Variants in GCFC2 observed in about 807,000 individuals in gnomAD.
The protein encoded by GCFC2 is intron Large complex component GCFC2.
A neutral mutation model predicts 99.4 loss-of-function variants in GCFC2; 102 were observed. The ratio of observed to expected loss-of-function variants is 1.03; its 90% CI spans 0.87 to 1.21. The LOEUF (loss-of-function observed/expected upper bound fraction) is 1.21, where lower values mean the gene tolerates loss of function less well. GCFC2 is among the 50% of genes most tolerant of loss of function. The probability of loss-of-function intolerance (pLI) is 0.00; values close to 1 mark genes in which losing one functional copy is unlikely to be tolerated. For synonymous variants in GCFC2, 338 were observed against 316.8 expected (o/e 1.07, Z -0.71); for missense variants, 973 against 920.9 (o/e 1.06, Z -0.73).
chr2:75,694,955 G>T (rs950934959), intron 5 of GCFC2, among the ~76,000 whole-genome samples: 1 of 152,002 alleles, frequency 6.6e-6, no homozygotes, highest in Non-Finnish European at 1.5e-5. Flanking sequence ...AATTTACTTC[G>T]TTCTGTATAT....
At chr2:75,711,771 G>T (rs1210067465), upstream of GCFC2, among the ~76,000 whole-genome samples, 1 of 152,246 alleles carries the variant, frequency 6.6e-6, no homozygotes, top group African/African-American at 2.4e-5. Context: ...GCCCACCGGC[G>T]CTGTGCTCGA....
chr2:75,684,035 C>T (rs1039427140), intron 11 of GCFC2, among the ~76,000 whole-genome samples: 1 of 152,102 alleles, frequency 6.6e-6, no homozygotes, highest in African/African-American at 2.4e-5. Context: ...TAGTGGGAGC[C>T]TTTAACATCC....
In GCFC2 at chr2:75,671,985, T is replaced by C. The variant is rs1255543802; in HGVS notation, c.1921A>G (p.Lys641Glu). 2 of 1,594,656 alleles carry C rather than the reference T, an allele frequency of 1.3e-6. No homozygotes were observed. The highest frequency in any genetic ancestry group is 1.7e-5 in the Admixed American group (1 of 59,870). Residue 641 changes from lysine to glutamate, a missense_variant, in exon 14 of 17, where the codon AAG becomes GAG. Lys to Glu is a moderately conservative substitution (Grantham distance 56). Coordinates refer to ENST00000321027, the MANE Select transcript of GCFC2 (RefSeq NM_003203.5). ...GACCAGAACTGTCTTTCTTGGAACT[T>C]TGAATGAGGTGATGTTTTGTTTTCT... ...AVENKTSPHSKFQERQFWSGL... is the reference protein window; with the variant it reads ...AVENKTSPHSEFQERQFWSGL...
At chr2:75,666,122 T>G in intron 15 of GCFC2, 69 bp from the exon 16 acceptor site, 5 of 1,170,532 alleles carry the variant, frequency 4.3e-6, no homozygotes, top group Non-Finnish European at 6.1e-6. Context: ...TATAATCTCA[T>G]AGTGATACTG....
chr2:75,706,771 A>T, intron 1 of GCFC2, 120 bp from the exon 2 acceptor site: 1 of 550,442 alleles, frequency 1.8e-6, no homozygotes, highest in Non-Finnish European at 3.1e-6. Flanking sequence ...TCCATATATT[A>T]AAGTAGACAT....
rs1476389758 is a variant in GCFC2 at position 75,687,835 on chromosome 2, C to T, written c.1682G>A (p.Arg561Gln). ...AGGTTACGAAGCAGTACCTGTAAGT[C>T]GGGGAATAATTGTTTTGTTGATGAT... The part of the protein sequence containing the change: ...SAIINKTIIP[R>Q]LTDFVEFLWD... The change falls in exon 11 of 17, where the codon CGA (arginine) becomes CAA (glutamine). Residue 561 changes from arginine (R) to glutamine (Q), a missense_variant. Arg to Gln is a conservative substitution (Grantham distance 43). Transcript: ENST00000321027. 12 of 1,605,292 alleles carry T rather than the reference C, an allele frequency of 7.5e-6. No homozygotes were observed. Among genetic ancestry groups the T allele is most frequent in the South Asian group, 2.2e-5 (2 of 89,132 alleles).
Position 75,664,064 on chromosome 2 carries a change from T to A in GCFC2, c.*602A>T, listed in dbSNP as rs1332753069. ...GCCAACACAAAATACGCTATTAAAA[T>A]AAGATTTTTACCTTTCAAATTTTCA... is the stretch of plus-strand genomic sequence containing the variant. On this transcript the variant is annotated 3_prime_UTR_variant, in exon 17 of 17. Transcript: ENST00000321027. The A allele has an allele frequency of 6.6e-6, 1 of 152,174 alleles. No individual in the cohort carries two copies. The highest frequency in any genetic ancestry group is 1.5e-5 in the Non-Finnish European group (1 of 68,018). 9.4% of individuals were successfully genotyped at this position (152,174 alleles called of 1,614,324 possible).
At position 75,710,643 on chromosome 2, in the gene GCFC2, C is replaced by T; in HGVS notation, c.213G>A (p.Trp71Ter). 6.6e-7 allele frequency: 1 copy of T among 1,518,132 alleles called. No individual in the cohort carries two copies. Among genetic ancestry groups the T allele is most frequent in the East Asian group, 2.6e-5 (1 of 38,472 alleles). The allele number at this position is 1,518,132 out of a possible 1,614,324, so 94.0% of individuals were successfully genotyped here. A position where few individuals can be genotyped will look rare whatever the true frequency, so the allele number is the denominator to read the frequency against. ...VRGPRGRGRV[W>*]ASSRRATKAA... Reference sequence around the variant, plus strand: ...CTTTGGTGGCACGCCGGGAGCTCGCCCAGACCCGGCCCCGGCCACGAGGGC... The same window carrying T: ...CTTTGGTGGCACGCCGGGAGCTCGCTCAGACCCGGCCCCGGCCACGAGGGC... The change falls in exon 1 of 17, where the codon TGG becomes TGA. Residue 71 changes from tryptophan (W) to a stop codon, truncating the protein, a stop_gained. Transcript: ENST00000321027. LOFTEE classifies it high-confidence loss of function.
rs534139816 is a variant in GCFC2 at position 75,702,454 on chromosome 2, AC to A, written c.395-32del. ...GGAAACAAAGACGAGGACACTAAAAACCAAAGACCAATGTAAGTAAATATTC... is the reference window on the plus strand; with the variant it reads ...GGAAACAAAGACGAGGACACTAAAAACAAAGACCAATGTAAGTAAATATTC... On this transcript the variant is annotated intron_variant, in intron 2 of 16. Transcript: ENST00000321027. 69 of 1,566,466 alleles carry A rather than the reference AC, an allele frequency of 4.4e-5. 2 individuals carry two copies. The East Asian group carries it at 5.2e-4, about 12-fold the overall frequency.
chr2:75,712,956 T>C (rs964362682), upstream of GCFC2, among the ~76,000 whole-genome samples: 1 of 152,214 alleles, frequency 6.6e-6, no homozygotes, highest in African/African-American at 2.4e-5. Flanking sequence ...TCCAGGTGTT[T>C]CTCCCAGATA....
upstream of GCFC2, among the ~76,000 whole-genome samples, chr2:75,712,006 C>T (rs543541800): frequency 1.1e-4 from 17 of 152,392 alleles, no homozygotes; most frequent in African/African-American, 1.7e-4. Flanking sequence ...AGCCCCGGTG[C>T]GGGATCCACT....
Position 75,702,208 on chromosome 2 carries a change from C to T in GCFC2, c.610G>A (p.Glu204Lys). ...ATTGGTAAATCCATACTTGATTCCT[C>T]AGCCATCCTTTGTCTAAGTGTTTGA... Reference protein sequence around the residue: ...RPQTLRQRMAEESISRNEETS... With the variant: ...RPQTLRQRMAKESISRNEETS... Residue 204 changes from glutamate to lysine, a missense_variant, in exon 3 of 17, where the codon GAG (glutamate) becomes AAG (lysine). Physicochemically the swap from Glu to Lys is moderately conservative, Grantham distance 56. Transcript: ENST00000321027. 2 of 1,604,792 alleles carry T rather than the reference C, an allele frequency of 1.2e-6. No homozygotes were observed. Among genetic ancestry groups the T allele is most frequent in the African/African-American group, 1.3e-5 (1 of 74,884 alleles).
At chr2:75,712,259 C>G (rs1021604859), upstream of GCFC2, among the ~76,000 whole-genome samples, 9 of 116,410 alleles carry the variant, frequency 7.7e-5, no homozygotes, top group African/African-American at 2.3e-4. Flanking sequence ...AAACACCAAT[C>G]GGCACTCTGT....
Position 75,664,709 on chromosome 2 carries a change from TCTC to T in GCFC2, c.2300_2302del (p.Gly767del). ...TGATTTAAGATGGTCTAGGTGATGC[TCTC>T]CTATGAAGGATTCTGCTTGATTCAA... On this transcript the variant is annotated inframe_deletion, in exon 17 of 17. Transcript: ENST00000321027. 1.3e-6 allele frequency: 2 copies of T among 1,559,792 alleles called. No individual in the cohort carries two copies. The highest frequency in any genetic ancestry group is 1.8e-6 in the Non-Finnish European group (2 of 1,131,914).
At chr2:75,697,132 C>T (rs1680362522) in intron 4 of GCFC2, among the ~76,000 whole-genome samples, 1 of 152,154 alleles carries the variant, frequency 6.6e-6, no homozygotes, top group Non-Finnish European at 1.5e-5. Flanking sequence ...GAAATGCACT[C>T]CTAACATATA....
chr2:75,699,664 C>A (rs1680488918), intron 4 of GCFC2, among the ~76,000 whole-genome samples: 1 of 152,132 alleles, frequency 6.6e-6, no homozygotes, highest in African/African-American at 2.4e-5. Flanking sequence ...GCACCCAGAA[C>A]TCCTGGGCTC....
Position 75,708,501 on chromosome 2 carries a change from C to CTTT in GCFC2, c.266-1853_266-1851dup, listed in dbSNP as rs34414596. Reference sequence around the variant, plus strand: ...TATGGTTTAAGAATCCATTTGGCAACTTTTTTTTTTTTTTTTTTTTTTTTT... The same window carrying CTTT: ...TATGGTTTAAGAATCCATTTGGCAACTTTTTTTTTTTTTTTTTTTTTTTTTTTT... On this transcript the variant is annotated intron_variant, in intron 1 of 16. Transcript: ENST00000321027. 1.3e-3 allele frequency among the ~76,000 whole-genome samples: 104 copies of CTTT among 78,700 alleles called. 4 individuals are homozygous for CTTT. Among genetic ancestry groups the CTTT allele is most frequent in the African/African-American group, 2.7e-3 (57 of 20,980 alleles). 51.6% of individuals were successfully genotyped at this position (78,700 alleles called of 152,430 possible). A position where few individuals can be genotyped will look rare whatever the true frequency, so the allele number is the denominator to read the frequency against.
At chr2:75,710,410 G>C in intron 1 of GCFC2, 181 bp downstream of exon 1, 1 of 1,343,732 alleles carries the variant, frequency 7.4e-7, no homozygotes, top group Non-Finnish European at 9.5e-7. Flanking sequence ...TGCAGATAGC[G>C]GGCAAGTGCT....
chr2:75,706,302 C>T (rs1680860749), intron 2 of GCFC2, among the ~76,000 whole-genome samples: 1 of 152,164 alleles, frequency 6.6e-6, no homozygotes, highest in Admixed American at 6.5e-5. Flanking sequence ...AGAATACAGG[C>T]TCCAGAACAA....
Sources: allele counts gnomAD v4.1 joint callset (sites outside exome capture counted in the v4.1 genomes callset), GRCh38; gene constraint gnomAD v4.1.1; transcripts MANE v1.5; gene names NCBI Gene and HGNC (gene_info 2026-07-23, HGNC 2026-07-21).